PPIL6: variants seen among roughly 807,000 people sequenced by gnomAD.
The protein encoded by PPIL6 is probable inactive peptidyl-prolyl cis-trans isomerase-like 6.
In PPIL6, 39 loss-of-function variants were observed where a neutral mutation model predicts 36.8. That is an observed-to-expected ratio of 1.06 (90% CI 0.82 to 1.38). The LOEUF is 1.38. Among genes scored for constraint, PPIL6 ranks in the 40% most tolerant of loss-of-function variants. The probability of loss-of-function intolerance (pLI) is 0.00; values close to 1 mark genes in which losing one functional copy is unlikely to be tolerated. For synonymous variants in PPIL6, 123 were observed against 134.1 expected (o/e 0.92, Z 0.57); for missense variants, 368 against 379.1 (o/e 0.97, Z 0.24).
chr6:109,429,745 T>G (rs1582589537), intron 3 of PPIL6, among the ~76,000 whole-genome samples: 1 of 152,270 alleles, frequency 6.6e-6, no homozygotes, highest in African/African-American at 2.4e-5. Flanking sequence ...GCAGTGTGAC[T>G]CTGGCCATGT....
At chr6:109,427,030 T>C in intron 4 of PPIL6, 36 bp from the exon 5 acceptor site, 5 of 1,595,822 alleles carry the variant, frequency 3.1e-6, no homozygotes, top group Non-Finnish European at 4.3e-6. Context: ...AAAGATTAAA[T>C]ATTTAACACT....
chr6:109,436,223 A>G (rs753100544), intron 1 of PPIL6, 24 bp from the exon 2 acceptor site: 6 of 1,305,530 alleles, frequency 4.6e-6, no homozygotes, highest in Non-Finnish European at 6.6e-6. Flanking sequence ...TAGAATAATT[A>G]TTTTAGAGTT....
At chr6:109,424,292 A>C (rs914895443) in intron 5 of PPIL6, among the ~76,000 whole-genome samples, 6 of 152,192 alleles carry the variant, frequency 3.9e-5, no homozygotes, top group African/African-American at 1.4e-4. Context: ...AAAATAAACG[A>C]GGCCTCAGGG....
intron 6 of PPIL6, among the ~76,000 whole-genome samples, chr6:109,412,247 C>T (rs920785879): frequency 1.3e-5 from 2 of 152,236 alleles, no homozygotes; most frequent in Non-Finnish European, 2.9e-5. Flanking sequence ...AGCTGCTACT[C>T]TCTGCCTACA....
chr6:109,440,311 C>CGCCCG (rs1237196531), intron 1 of PPIL6, 145 bp downstream of exon 1: 2 of 1,076,420 alleles, frequency 1.9e-6, no homozygotes, highest in Admixed American at 2.0e-5. Context: ...AGACGGAGCC[C>CGCCCG]GCCCGGCCAG....
chr6:109,412,946 T>C (rs1165611074), intron 6 of PPIL6, among the ~76,000 whole-genome samples: 1 of 151,888 alleles, frequency 6.6e-6, no homozygotes, highest in Non-Finnish European at 1.5e-5. Flanking sequence ...GATCACGAGG[T>C]CAGGAGTTCA....
At chr6:109,434,425 TTGTGTGTG>T (rs938509136) in intron 2 of PPIL6, among the ~76,000 whole-genome samples, 37 of 151,504 alleles carry the variant, frequency 2.4e-4, no homozygotes, top group African/African-American at 8.7e-4. Flanking sequence ...ATATGTGTGT[TTGTGTGTG>T]TGTGTGGGTG....
chr6:109,431,555 T>C (rs190158873), intron 2 of PPIL6, among the ~76,000 whole-genome samples: 11 of 152,110 alleles, frequency 7.2e-5, no homozygotes, highest in Admixed American at 7.2e-4. Flanking sequence ...TCACTAAAAG[T>C]AAAGAATGAT....
chr6:109,398,896 CATT>C (rs1772408596), intron 7 of PPIL6, among the ~76,000 whole-genome samples: 2 of 152,040 alleles, frequency 1.3e-5, no homozygotes, highest in Non-Finnish European at 2.9e-5. Context: ...ACAGAAAGAA[CATT>C]ATTGTGACTA....
intron 7 of PPIL6, 121 bp downstream of exon 7, chr6:109,399,913 AT>A: frequency 1.5e-6 from 1 of 651,960 alleles, no homozygotes; most frequent in Non-Finnish European, 2.3e-6. Context: ...TATTTGTATT[AT>A]TTTTGCATTT....
At chr6:109,436,789 C>T (rs917337878) in intron 1 of PPIL6, among the ~76,000 whole-genome samples, 1 of 152,158 alleles carries the variant, frequency 6.6e-6, no homozygotes, top group African/African-American at 2.4e-5. Context: ...ATATTCCCAC[C>T]TGCCACAATC....
chr6:109,408,917 A>G (rs549071904), intron 6 of PPIL6, among the ~76,000 whole-genome samples: 1 of 152,302 alleles, frequency 6.6e-6, no homozygotes, highest in South Asian at 2.1e-4. Flanking sequence ...GGCACATCAT[A>G]AAAAGAAAAC....
intron 3 of PPIL6, among the ~76,000 whole-genome samples, chr6:109,428,670 C>CT (rs1287376023): frequency 6.6e-6 from 1 of 151,116 alleles, no homozygotes; most frequent in Non-Finnish European, 1.5e-5. Context: ...GTCACTCTAA[C>CT]TTTTTTTTAA....
At chr6:109,428,356 G>A (rs1260831174) in intron 3 of PPIL6, among the ~76,000 whole-genome samples, 2 of 152,054 alleles carry the variant, frequency 1.3e-5, no homozygotes, top group Non-Finnish European at 2.9e-5. Context: ...TTTGAAACCA[G>A]CCTGGGCAAC....
Position 109,415,009 on chromosome 6 carries a change from A to C in PPIL6, c.688+4178T>G, listed in dbSNP as rs60887905. Among the ~76,000 whole-genome samples the C allele has an allele frequency of 3.7e-3, 562 of 152,326 alleles. 3 individuals are homozygous for C. Among genetic ancestry groups the C allele is most frequent in the African/African-American group, 0.013 (531 of 41,572 alleles). ...GAGAAAATATATCTACTATTCATTA[A>C]GTGGAAGTGGATCATCATAACAGTC... On this transcript the variant is annotated intron_variant, in intron 6 of 7. Transcript: ENST00000521072.
At chr6:109,438,012 T>A (rs1235700063) in intron 1 of PPIL6, among the ~76,000 whole-genome samples, 3 of 152,248 alleles carry the variant, frequency 2.0e-5, no homozygotes, top group Non-Finnish European at 4.4e-5. Context: ...TTGTTCCTAT[T>A]CTCTACAAAT....
intron 2 of PPIL6, among the ~76,000 whole-genome samples, chr6:109,434,890 C>T (rs539242668): frequency 2.0e-5 from 3 of 152,216 alleles, no homozygotes; most frequent in Non-Finnish European, 4.4e-5. Context: ...GCACTACCAA[C>T]TGAACAGGTT....
intron 6 of PPIL6, chr6:109,403,084 C>G (rs1772630939): frequency 6.5e-7 from 1 of 1,530,236 alleles, no homozygotes. Flanking sequence ...CCTCTTTACA[C>G]TTCTTTTCAA....
At chr6:109,425,514 T>C (rs78948065) in intron 5 of PPIL6, among the ~76,000 whole-genome samples, 4 of 152,116 alleles carry the variant, frequency 2.6e-5, no homozygotes, top group East Asian at 1.9e-4. Flanking sequence ...TTTGGGAGGC[T>C]GAGGCGTGCG....
Sources: gnomAD v4.1 joint callset for allele counts (sites outside exome capture counted in the v4.1 genomes callset) on GRCh38, gnomAD v4.1.1 for gene constraint, MANE v1.5 for transcripts, NCBI Gene and HGNC (gene_info 2026-07-23, HGNC 2026-07-21) for gene names.